FLNB: variants seen among roughly 807,000 people sequenced by gnomAD.
The protein encoded by FLNB is filamin B, also known as filamin-B.
In FLNB, 111 loss-of-function variants were observed where a neutral mutation model predicts 250.6. The observed-to-expected ratio is 0.44, with a 90% CI of 0.38 to 0.52. The LOEUF (loss-of-function observed/expected upper bound fraction) is 0.52, where lower values mean the gene tolerates loss of function less well. FLNB is among the 20% of genes least tolerant of loss of function. The pLI, the probability that FLNB is intolerant of heterozygous loss-of-function variation, is 0.00. For synonymous variants in FLNB, 1,302 were observed against 1,372.1 expected (o/e 0.95, Z 1.13); for missense variants, 2,869 against 3,447.8 (o/e 0.83, Z 4.20).
chr3:58,019,220 G>T (rs547532000), intron 1 of FLNB, among the ~76,000 whole-genome samples: 1 of 152,222 alleles, frequency 6.6e-6, no homozygotes, highest in East Asian at 1.9e-4. Context: ...ACACCCTATA[G>T]CTTAACGATG....
At chr3:58,129,799 G>A (rs569460516) in intron 24 of FLNB, among the ~76,000 whole-genome samples, 3 of 152,224 alleles carry the variant, frequency 2.0e-5, no homozygotes, top group Admixed American at 2.0e-4. Context: ...AGAGGTGCAC[G>A]TAGCCCCTTG....
At chr3:58,061,452 C>T (rs2106883564) in intron 1 of FLNB, among the ~76,000 whole-genome samples, 1 of 152,204 alleles carries the variant, frequency 6.6e-6, no homozygotes, top group African/African-American at 2.4e-5. Flanking sequence ...ATGGGTAGGG[C>T]ATGGTGGCTC....
chr3:58,076,609 C>T (rs1216104111), intron 1 of FLNB, among the ~76,000 whole-genome samples: 1 of 151,984 alleles, frequency 6.6e-6, no homozygotes, highest in Non-Finnish European at 1.5e-5. Flanking sequence ...AGTGAGCCAC[C>T]ATGCTCGGCT....
intron 34 of FLNB, among the ~76,000 whole-genome samples, chr3:58,147,448 C>A (rs985348146): frequency 1.3e-5 from 2 of 152,182 alleles, no homozygotes; most frequent in African/African-American, 2.4e-5. Flanking sequence ...TTATCAAATT[C>A]CAAAGCCCAT....
Position 58,169,504 on chromosome 3 carries a change from T to G in FLNB, c.7418-86T>G. ...GGTGCGCGGGCTCTCCTGGGGTTAC[T>G]GTGTAGGGTACTCGCCTGTCCTCTG... On this transcript the variant is annotated intron_variant, in intron 44 of 45. Transcript: ENST00000295956. This position sits in a 1 kb window ranked among gnomAD's most constrained non-coding sequence, Gnocchi z 4.8. 9.3e-7 allele frequency: 1 copy of G among 1,071,286 alleles called. No homozygotes were observed. 66.4% of individuals were successfully genotyped at this position (1,071,286 alleles called of 1,614,324 possible).
At chr3:58,073,969 C>A (rs993356767) in intron 1 of FLNB, among the ~76,000 whole-genome samples, 1 of 152,210 alleles carries the variant, frequency 6.6e-6, no homozygotes, top group East Asian at 1.9e-4. Flanking sequence ...GAGAATCTGT[C>A]TCCTGTCTGC....
At chr3:58,012,225 A>G (rs973466092) in intron 1 of FLNB, among the ~76,000 whole-genome samples, 2 of 151,940 alleles carry the variant, frequency 1.3e-5, no homozygotes, top group South Asian at 4.2e-4. Flanking sequence ...AAAAAAAAAA[A>G]AAAAAAGTCA....
chr3:58,135,664 A>G (rs1249344891), intron 27 of FLNB, among the ~76,000 whole-genome samples: 1 of 152,128 alleles, frequency 6.6e-6, no homozygotes, highest in Non-Finnish European at 1.5e-5. Context: ...GAGAAAAGGG[A>G]GACTGGATGT....
chr3:58,080,791 CTTT>C (rs10628113), intron 3 of FLNB, among the ~76,000 whole-genome samples: 1 of 136,962 alleles, frequency 7.3e-6, no homozygotes, highest in Non-Finnish European at 1.6e-5. Context: ...TGCGTCTGGC[CTTT>C]TTTTTTTTTT....
Position 58,154,892 on chromosome 3 carries a change from G to A in FLNB, c.6736G>A (p.Gly2246Arg). The change falls in exon 40 of 46, where the codon GGG (glycine) becomes AGG (arginine). Residue 2246 changes from glycine to arginine, a missense_variant. By Grantham distance (125) the Gly-to-Arg change is moderately radical. Around this residue, in one of 5 missense-constraint regions of FLNB, gnomAD observed 1,084 missense variants for 1,315.5 expected, o/e 0.82. Transcript: ENST00000295956. ...AEITFDDHKN[G>R]SCGVSYIAQE... ...GATTACATTCGATGACCATAAAAAT[G>A]GGTCGTGCGGTGTATCTTATATTGC... 2 of 1,614,054 alleles carry A rather than the reference G, an allele frequency of 1.2e-6. No individual in the cohort carries two copies. Among genetic ancestry groups the A allele is most frequent in the Non-Finnish European group, 1.7e-6 (2 of 1,179,928 alleles).
Position 58,171,113 on chromosome 3 carries a change from C to T in FLNB, c.*351C>T, listed in dbSNP as rs2097381841. 1 of 273,020 alleles carries T rather than the reference C, an allele frequency of 3.7e-6. No homozygotes were observed. The highest frequency in any genetic ancestry group is 7.0e-6 in the Non-Finnish European group (1 of 142,286). The allele number at this position is 273,020 out of a possible 1,614,324, so 16.9% of individuals were successfully genotyped here. A position where few individuals can be genotyped will look rare whatever the true frequency, so the allele number is the denominator to read the frequency against. On this transcript the variant is annotated 3_prime_UTR_variant, in exon 46 of 46. Coordinates refer to ENST00000295956, the MANE Select transcript of FLNB (RefSeq NM_001457.4). This position sits in a 1 kb window ranked among gnomAD's most constrained non-coding sequence, Gnocchi z 5.5. ...CTGGCTAGCCTGAGCTGCTGGTTCA[C>T]TCTTCAGCATTTATGAAACAAGGCT...
intron 41 of FLNB, among the ~76,000 whole-genome samples, chr3:58,158,285 T>A (rs1397889845): frequency 6.6e-6 from 1 of 152,262 alleles, no homozygotes; most frequent in African/African-American, 2.4e-5. Flanking sequence ...ATGTGACTAT[T>A]GAACATCTGA....
At chr3:58,122,266 A>T (rs1344479565) in intron 20 of FLNB, among the ~76,000 whole-genome samples, 2 of 151,352 alleles carry the variant, frequency 1.3e-5, no homozygotes, top group Non-Finnish European at 2.9e-5. Context: ...GCCAAGGTGG[A>T]TGGATAACTT....
chr3:58,149,503 G>A (rs1362451865), intron 36 of FLNB: 2 of 358,118 alleles, frequency 5.6e-6, no homozygotes, highest in East Asian at 6.7e-5. Flanking sequence ...AGATCTGGCT[G>A]TGGATAAACC....
chr3:58,126,811 A>G lies in FLNB; in HGVS notation c.4222+49A>G, dbSNP rs181078250. 473 of 1,571,710 alleles carry G rather than the reference A, an allele frequency of 3.0e-4. 2 individuals are homozygous for G. Among genetic ancestry groups the G allele is most frequent in the Admixed American group, 1.7e-3 (99 of 58,826 alleles). On this transcript the variant is annotated intron_variant, in intron 24 of 45. Coordinates refer to ENST00000295956, the MANE Select transcript of FLNB (RefSeq NM_001457.4). ...CCCAGAGAATAATTGATTTTGCAGG[A>G]AAATGGGTTTGATTTTGGTTATCTC... is the stretch of plus-strand genomic sequence containing the variant.
chr3:58,118,788 G>A, intron 18 of FLNB, 84 bp from the exon 19 acceptor site: 1 of 940,180 alleles, frequency 1.1e-6, no homozygotes, highest in Admixed American at 1.7e-5. Context: ...TCCGTGAGAA[G>A]AATGAGGGAT....
intron 2 of FLNB, 135 bp from the exon 3 acceptor site, chr3:58,078,582 A>T (rs2097204764): frequency 6.6e-7 from 1 of 1,524,696 alleles, no homozygotes; most frequent in Non-Finnish European, 8.8e-7. Context: ...CCTATTAAAT[A>T]TATGATTTGC....
chr3:58,166,834 T>G (rs1044294178), intron 43 of FLNB, among the ~76,000 whole-genome samples: 1 of 130,898 alleles, frequency 7.6e-6, no homozygotes, highest in Non-Finnish European at 1.6e-5. Flanking sequence ...AAAAAAAATA[T>G]TAGTAATAAG....
At chr3:58,154,360 C>T (rs569913018) in intron 39 of FLNB, among the ~76,000 whole-genome samples, 7 of 152,222 alleles carry the variant, frequency 4.6e-5, no homozygotes, top group East Asian at 3.9e-4. Context: ...CTGGGCAACA[C>T]GGTGAAACCC....
Sources: allele counts gnomAD v4.1 joint callset (sites outside exome capture counted in the v4.1 genomes callset), GRCh38; gene constraint gnomAD v4.1.1; regional missense constraint gnomAD v4.1.1; non-coding constraint Gnocchi (gnomAD v3.1); transcripts MANE v1.5; gene names NCBI Gene and HGNC (gene_info 2026-07-23, HGNC 2026-07-21).